Variants in PTPRN2 observed in about 807,000 individuals in gnomAD.
PTPRN2 encodes protein tyrosine phosphatase receptor type N2.
PTPRN2 carries 74 observed loss-of-function variants against 118.8 expected under a neutral mutation model. The ratio of observed to expected loss-of-function variants is 0.62; its 90% CI spans 0.52 to 0.76. The LOEUF (loss-of-function observed/expected upper bound fraction) is 0.76, where lower values mean the gene tolerates loss of function less well. Among genes scored for constraint, PTPRN2 ranks in the 30% least tolerant of loss-of-function variants. The pLI is 0.00. For missense variants in PTPRN2, 1,481 were observed against 1,394.4 expected (o/e 1.06, Z -0.99); for synonymous variants, 641 against 608.0 (o/e 1.05, Z -0.80).
rs1807231489 is a variant in PTPRN2 at position 158,343,506 on chromosome 7, G to C, written c.164-26574C>G. 3.3e-5 allele frequency among the ~76,000 whole-genome samples: 5 copies of C among 152,260 alleles called. No individual in the cohort carries two copies. In the South Asian group the frequency reaches 1.0e-3, roughly 32 times the overall value. Reference sequence around the variant, plus strand: ...TCGCCGTGGAAAGCACACGGGAAAAGTTCAATGTGGAAGTAGCAGATGATC... The same window carrying C: ...TCGCCGTGGAAAGCACACGGGAAAACTTCAATGTGGAAGTAGCAGATGATC... On this transcript the variant is annotated intron_variant, in intron 2 of 22. Transcript: ENST00000389418.
rs560927686 is a variant in PTPRN2, at chr7:158,542,895, A to G, written c.112+44663T>C. 9.3e-4 allele frequency among the ~76,000 whole-genome samples: 141 copies of G among 152,270 alleles called. 1 individual carries two copies. The highest frequency in any genetic ancestry group is 3.1e-3 in the African/African-American group (130 of 41,556). On this transcript the variant is annotated intron_variant, in intron 1 of 22. Coordinates refer to ENST00000389418, the MANE Select transcript of PTPRN2 (RefSeq NM_002847.5). ...CATTACTGGACATCAAAATGCCTGGACTTCTGAGCTCCAAAGGGCATCAGG... is the reference window on the plus strand; with the variant it reads ...CATTACTGGACATCAAAATGCCTGGGCTTCTGAGCTCCAAAGGGCATCAGG...
chr7:158,531,518 A>C (rs2129448779), intron 1 of PTPRN2, among the ~76,000 whole-genome samples: 1 of 152,230 alleles, frequency 6.6e-6, no homozygotes, highest in South Asian at 2.1e-4. Context: ...AGCTCATCCC[A>C]CCTGTGGGGA....
chr7:158,217,823 C>A (rs1250207704), intron 3 of PTPRN2, among the ~76,000 whole-genome samples: 1 of 152,058 alleles, frequency 6.6e-6, no homozygotes, highest in Admixed American at 6.6e-5. Flanking sequence ...TCAGAAGAGA[C>A]CAAGCTGAGA....
intron 21 of PTPRN2, among the ~76,000 whole-genome samples, chr7:157,568,118 T>C (rs1429464361): frequency 6.6e-6 from 1 of 152,188 alleles, no homozygotes; most frequent in Non-Finnish European, 1.5e-5. Context: ...CCAGAGAGGT[T>C]AAAAGCTCTG....
rs11419587 is a variant in PTPRN2, at chr7:157,895,056, C to CCT, written c.1788+3616_1788+3617insAG. On this transcript the variant is annotated intron_variant, in intron 12 of 22. Coordinates refer to ENST00000389418, the MANE Select transcript of PTPRN2 (RefSeq NM_002847.5). The stretch of plus-strand genomic sequence containing the variant: ...CAACCACAAAAGAGGACCCCTCCCC[C>CCT]ACAGGAGGGGGTCAGCAGATGTGAT... Among the ~76,000 whole-genome samples, 874 of 151,934 alleles carry CCT rather than the reference C, an allele frequency of 5.8e-3. 36 individuals are homozygous for CCT. The highest frequency in any genetic ancestry group is 0.052 in the Admixed American group (792 of 15,246).
At chr7:158,241,597 C>T (rs1363217356) in intron 3 of PTPRN2, among the ~76,000 whole-genome samples, 4 of 152,064 alleles carry the variant, frequency 2.6e-5, no homozygotes, top group Non-Finnish European at 2.9e-5. Flanking sequence ...CTTTAAAGTA[C>T]GAATCATCAC....
chr7:158,150,987 C>A (rs1321836720), intron 6 of PTPRN2, among the ~76,000 whole-genome samples: 3 of 152,078 alleles, frequency 2.0e-5, no homozygotes, highest in East Asian at 1.9e-4. Context: ...GTCTGTTCCT[C>A]TCAGCACCTC....
At chr7:157,770,966 CG>C (rs1218075613) in intron 12 of PTPRN2, among the ~76,000 whole-genome samples, 1 of 152,228 alleles carries the variant, frequency 6.6e-6, no homozygotes, top group African/African-American at 2.4e-5. Flanking sequence ...CCCGCTTGGC[CG>C]GTTGAGGCAG....
intron 20 of PTPRN2, among the ~76,000 whole-genome samples, chr7:157,570,764 C>T (rs1191084133): frequency 6.6e-6 from 1 of 152,214 alleles, no homozygotes; most frequent in African/African-American, 2.4e-5. Flanking sequence ...CCAAGCATTT[C>T]TCACCATCTG....
intron 22 of PTPRN2, among the ~76,000 whole-genome samples, chr7:157,543,750 A>C (rs1307147713): frequency 6.6e-6 from 1 of 152,250 alleles, no homozygotes; most frequent in African/African-American, 2.4e-5. Flanking sequence ...GAGGCTGCAC[A>C]CATAACTGCG....
intron 17 of PTPRN2, among the ~76,000 whole-genome samples, chr7:157,592,903 C>T (rs1801073156): frequency 7.2e-6 from 1 of 139,604 alleles, no homozygotes; most frequent in African/African-American, 2.8e-5. Context: ...GTGTGGATGC[C>T]AAGAGGCTTC....
At chr7:158,170,304 G>A (rs1349425481) in intron 5 of PTPRN2, among the ~76,000 whole-genome samples, 1 of 152,138 alleles carries the variant, frequency 6.6e-6, no homozygotes, top group Non-Finnish European at 1.5e-5. Context: ...TGGGGGGTGG[G>A]GATCTGCGTC....
chr7:157,965,089 T>C (rs73745043), intron 11 of PTPRN2, among the ~76,000 whole-genome samples: 3,801 of 152,114 alleles, frequency 0.025, 151 homozygotes, highest in African/African-American at 0.083. Flanking sequence ...AAGAAAGGGA[T>C]CTCCAGACAG....
chr7:158,136,344 G>A (rs1818807310), intron 8 of PTPRN2, among the ~76,000 whole-genome samples: 1 of 152,212 alleles, frequency 6.6e-6, no homozygotes, highest in South Asian at 2.1e-4. Context: ...AGTGGGCACA[G>A]GCTGCCGTGT....
At chr7:158,549,246 C>T (rs933384327) in intron 1 of PTPRN2, among the ~76,000 whole-genome samples, 1 of 152,178 alleles carries the variant, frequency 6.6e-6, no homozygotes, top group Non-Finnish European at 1.5e-5. Flanking sequence ...TAAAAGCTCC[C>T]GAAGTGAATC....
At chr7:158,267,776 C>A (rs958032823) in intron 3 of PTPRN2, among the ~76,000 whole-genome samples, 4 of 152,156 alleles carry the variant, frequency 2.6e-5, no homozygotes, top group Admixed American at 6.5e-5. Flanking sequence ...CAGCAAAAAA[C>A]CCAACCTCTA....
At chr7:158,163,552 T>C (rs1343552895) in intron 6 of PTPRN2, among the ~76,000 whole-genome samples, 3 of 151,496 alleles carry the variant, frequency 2.0e-5, no homozygotes, top group Admixed American at 6.6e-5. Flanking sequence ...GTGTATTTCA[T>C]AGGTGACGCC....
chr7:158,138,283 G>A lies in PTPRN2; in HGVS notation c.1132+11C>T, dbSNP rs369955431. 2.1e-5 allele frequency: 34 copies of A among 1,611,218 alleles called. No homozygotes were observed. The highest frequency in any genetic ancestry group is 2.7e-5 in the African/African-American group (2 of 75,024). ...ACCCCTGGGTGTGGGCACCCATGGCGCTGCAGTCACCTGGAAAGCTGTCTC... is the reference window on the plus strand; with the variant it reads ...ACCCCTGGGTGTGGGCACCCATGGCACTGCAGTCACCTGGAAAGCTGTCTC... On this transcript the variant is annotated intron_variant, in intron 7 of 22. Coordinates refer to ENST00000389418, the MANE Select transcript of PTPRN2 (RefSeq NM_002847.5).
At chr7:158,469,940 G>C (rs779891403) in intron 2 of PTPRN2, among the ~76,000 whole-genome samples, 23 of 151,784 alleles carry the variant, frequency 1.5e-4, no homozygotes, top group Admixed American at 3.9e-4. Context: ...TGCCATAACA[G>C]GAGCTGGGAT....
Sources: gnomAD v4.1 joint callset for allele counts (sites outside exome capture counted in the v4.1 genomes callset) on GRCh38, gnomAD v4.1.1 for gene constraint, MANE v1.5 for transcripts, NCBI Gene and HGNC (gene_info 2026-07-23, HGNC 2026-07-21) for gene names.